The following NLGN1 variants were observed in gnomAD, a reference collection of about 807,000 sequenced individuals.
NLGN1 encodes neuroligin-1.
NLGN1 carries 12 observed loss-of-function variants against 65.5 expected under a neutral mutation model. That is an observed-to-expected ratio of 0.18 (90% CI 0.12 to 0.30). The LOEUF (loss-of-function observed/expected upper bound fraction) is 0.30. Among genes scored for constraint, NLGN1 ranks in the 10% least tolerant of loss-of-function variants. The pLI is 1.00. For synonymous variants in NLGN1, 350 were observed against 359.5 expected (o/e 0.97, Z 0.30); for missense variants, 750 against 1,007.1 (o/e 0.74, Z 3.46).
intron 4 of NLGN1, among the ~76,000 whole-genome samples, chr3:174,086,257 A>T: frequency 3.7e-4 from 1 of 2,696 alleles, no homozygotes; most frequent in Non-Finnish European, 2.3e-3. Flanking sequence ...GTATGTGCAT[A>T]CATATATATA....
chr3:174,105,406 C>T (rs1435773671), intron 4 of NLGN1, among the ~76,000 whole-genome samples: 1 of 151,920 alleles, frequency 6.6e-6, no homozygotes, highest in African/African-American at 2.4e-5. Flanking sequence ...GGCATGGTGG[C>T]ACGCACCCAT....
At chr3:174,065,669 T>C (rs1177341528) in intron 4 of NLGN1, among the ~76,000 whole-genome samples, 1 of 152,002 alleles carries the variant, frequency 6.6e-6, no homozygotes, top group African/African-American at 2.4e-5. Flanking sequence ...TTCTAGTGAA[T>C]AGAATATGTT....
intron 4 of NLGN1, among the ~76,000 whole-genome samples, chr3:174,230,017 C>T (rs775268330): frequency 6.6e-6 from 1 of 152,122 alleles, no homozygotes; most frequent in African/African-American, 2.4e-5. Flanking sequence ...ATGCTTTTCC[C>T]CATTTCATTG....
At chr3:173,784,714 C>T (rs899816595) in intron 3 of NLGN1, among the ~76,000 whole-genome samples, 1 of 151,760 alleles carries the variant, frequency 6.6e-6, no homozygotes, top group Non-Finnish European at 1.5e-5. Context: ...AACACAGGCA[C>T]ACAGAGGGAT....
At chr3:173,975,873 G>A (rs548415826) in intron 4 of NLGN1, among the ~76,000 whole-genome samples, 7 of 152,024 alleles carry the variant, frequency 4.6e-5, no homozygotes, top group African/African-American at 7.2e-5. Flanking sequence ...CACTAGAAAC[G>A]AAGTTTCTTG....
chr3:174,013,436 G>T (rs577520218), intron 4 of NLGN1, among the ~76,000 whole-genome samples: 1 of 152,200 alleles, frequency 6.6e-6, no homozygotes, highest in African/African-American at 2.4e-5. Context: ...TAATATTTCT[G>T]CAAAATAATA....
chr3:173,724,265 C>T (rs1457235564), intron 3 of NLGN1, among the ~76,000 whole-genome samples: 1 of 152,116 alleles, frequency 6.6e-6, no homozygotes, highest in Non-Finnish European at 1.5e-5. Context: ...TGTGTTTCTC[C>T]ATTTTTCACT....
At chr3:173,979,144 G>T (rs2152389444) in intron 4 of NLGN1, among the ~76,000 whole-genome samples, 1 of 152,158 alleles carries the variant, frequency 6.6e-6, no homozygotes, top group Non-Finnish European at 1.5e-5. Context: ...GATTAAGTCA[G>T]ATTAGAGTAA....
intron 3 of NLGN1, among the ~76,000 whole-genome samples, chr3:173,651,648 C>A (rs1759196092): frequency 6.6e-6 from 1 of 152,048 alleles, no homozygotes; most frequent in Non-Finnish European, 1.5e-5. Flanking sequence ...TTAATAATAG[C>A]CATTCTGACT....
At chr3:173,712,910 TTAA>T (rs1327091612) in intron 3 of NLGN1, among the ~76,000 whole-genome samples, 1 of 151,646 alleles carries the variant, frequency 6.6e-6, no homozygotes, top group Non-Finnish European at 1.5e-5. Context: ...CAAGAAAAAA[TTAA>T]TAAGGAGAAA....
intron 4 of NLGN1, among the ~76,000 whole-genome samples, chr3:174,099,880 G>A (rs749985441): frequency 6.6e-6 from 1 of 152,108 alleles, no homozygotes; most frequent in Non-Finnish European, 1.5e-5. Context: ...GTTTCTCGAC[G>A]TCCACGTGTG....
rs191658285 is a variant in NLGN1 at position 173,506,330 on chromosome 3, C to A, written c.-321+71252C>A. On this transcript the variant is annotated intron_variant, in intron 2 of 6. Coordinates refer to ENST00000457714, the Ensembl canonical transcript of NLGN1. ...ACGAAATGAGGTTGAATAAAACTTTCTGCAACTCTTAGATTTAACTGATTT... is the reference window on the plus strand; with the variant it reads ...ACGAAATGAGGTTGAATAAAACTTTATGCAACTCTTAGATTTAACTGATTT... Among the ~76,000 whole-genome samples, 3 of 152,140 alleles carry A rather than the reference C, an allele frequency of 2.0e-5. No homozygotes were observed. The East Asian group carries it at 5.8e-4, about 29-fold the overall frequency.
At chr3:173,539,848 T>C (rs1738490731) in intron 2 of NLGN1, among the ~76,000 whole-genome samples, 1 of 134,628 alleles carries the variant, frequency 7.4e-6, no homozygotes, top group Non-Finnish European at 1.6e-5. Context: ...TTATATATAT[T>C]ATATGTTATG....
exon 7 of NLGN1, chr3:174,284,213 C>G (rs16858874): frequency 6.6e-6 from 1 of 151,260 alleles, no homozygotes; most frequent in East Asian, 1.9e-4. Context: ...TCACCAGTCA[C>G]GTGATAAAGT....
chr3:173,691,400 A>C (rs1765446121), intron 3 of NLGN1, among the ~76,000 whole-genome samples: 1 of 152,132 alleles, frequency 6.6e-6, no homozygotes, highest in African/African-American at 2.4e-5. Context: ...CTTAATTTAT[A>C]ATAGGCTCTT....
At chr3:173,588,884 A>C (rs1311982854) in intron 2 of NLGN1, among the ~76,000 whole-genome samples, 1 of 152,058 alleles carries the variant, frequency 6.6e-6, no homozygotes, top group African/African-American at 2.4e-5. Flanking sequence ...TCAATATATG[A>C]ATGTGTAGTC....
At chr3:173,608,593 A>T (rs1375426446) in intron 3 of NLGN1, among the ~76,000 whole-genome samples, 1 of 151,944 alleles carries the variant, frequency 6.6e-6, no homozygotes, top group African/African-American at 2.4e-5. Context: ...CTGAAAAGTT[A>T]GGTATTCCAA....
At chr3:174,153,460 A>G (rs990181074) in intron 4 of NLGN1, among the ~76,000 whole-genome samples, 1 of 152,126 alleles carries the variant, frequency 6.6e-6, no homozygotes, top group Non-Finnish European at 1.5e-5. Context: ...TGCAGTGAAT[A>G]TATCATATTG....
chr3:173,446,235 T>TCC lies in NLGN1; in HGVS notation c.-321+11159_-321+11160dup, dbSNP rs35602584. Among the ~76,000 whole-genome samples, 3 of 148,092 alleles carry TCC rather than the reference T, an allele frequency of 2.0e-5. 1 individual carries two copies. The highest frequency in any genetic ancestry group is 6.7e-5 in the Admixed American group (1 of 14,880). On this transcript the variant is annotated intron_variant, in intron 2 of 6. Transcript: ENST00000457714. The stretch of plus-strand genomic sequence containing the variant: ...CCCCCCTACCCCCACCCCACAACAG[T>TCC]CCCGGTGTGTGATGTTCCCCTTCCT...
Sources: allele counts gnomAD v4.1 joint callset (sites outside exome capture counted in the v4.1 genomes callset), GRCh38; gene constraint gnomAD v4.1.1; transcripts MANE v1.5; gene names NCBI Gene and HGNC (gene_info 2026-07-23, HGNC 2026-07-21).